Variants in PLCL2 observed in about 807,000 individuals in gnomAD.
The protein encoded by PLCL2 is inactive phospholipase C-like protein 2.
PLCL2 carries 4 observed loss-of-function variants against 79.6 expected under a neutral mutation model. That is an observed-to-expected ratio of 0.05 (90% CI 0.02 to 0.11). The LOEUF is 0.11. Ranked by LOEUF, PLCL2 falls within the 10% of genes least tolerant of loss-of-function variation. PLCL2 has a pLI of 1.00. For synonymous variants in PLCL2, 484 were observed against 457.7 expected, an observed-to-expected ratio of 1.06 and a Z score of -0.73; for missense variants, 895 against 1,291.0, an observed-to-expected ratio of 0.69 and a Z score of 4.70.
intron 1 of PLCL2, among the ~76,000 whole-genome samples, chr3:16,980,557 T>C (rs1350451192): frequency 1.4e-5 from 2 of 145,408 alleles, no homozygotes; most frequent in African/African-American, 5.2e-5. Context: ...GCAGAGACGC[T>C]CCTCACTTCC....
chr3:16,934,537 A>G (rs186499103), intron 1 of PLCL2, among the ~76,000 whole-genome samples: 91 of 152,314 alleles, frequency 6.0e-4, no homozygotes, highest in Admixed American at 2.0e-3. Flanking sequence ...GTAGCTCTCC[A>G]TAAGTGTCAA....
intron 1 of PLCL2, among the ~76,000 whole-genome samples, chr3:16,961,308 T>G (rs533951080): frequency 6.6e-6 from 1 of 152,328 alleles, no homozygotes; most frequent in African/African-American, 2.4e-5. Flanking sequence ...ATTTATTTAT[T>G]TATTCAGCAC....
At chr3:16,925,226 G>C (rs1178058850) in intron 1 of PLCL2, among the ~76,000 whole-genome samples, 2 of 144,700 alleles carry the variant, frequency 1.4e-5, no homozygotes, top group Non-Finnish European at 3.0e-5. Context: ...CCCGGCCAGG[G>C]TTTTTTTTTT....
chr3:16,973,231 TGC>T (rs2063891836), intron 1 of PLCL2, among the ~76,000 whole-genome samples: 1 of 152,204 alleles, frequency 6.6e-6, no homozygotes, highest in African/African-American at 2.4e-5. Context: ...ATTTCTCCCT[TGC>T]TTATGAAGCT....
intron 5 of PLCL2, among the ~76,000 whole-genome samples, chr3:17,089,128 G>A (rs2065249309): frequency 6.6e-6 from 1 of 152,074 alleles, no homozygotes; most frequent in Non-Finnish European, 1.5e-5. Context: ...GGAGGGGTGG[G>A]TGTGACTTCC....
Position 17,010,428 on chromosome 3 carries a change from A to G in PLCL2, c.1082A>G (p.Lys361Arg). Residue 361 changes from lysine to arginine, a missense_variant, in exon 2 of 6, where the codon AAG becomes AGG. Physicochemically the swap from Lys to Arg is conservative, Grantham distance 26 (BLOSUM62 2). Coordinates refer to ENST00000615277, the MANE Select transcript of PLCL2 (RefSeq NM_001144382.2). This position sits in a 1 kb window ranked among gnomAD's most constrained non-coding sequence, Gnocchi z 5.8. ...AGCAATAAAGAATTCCTTGATACCA[A>G]GGACCTTATGATGTTTCTTGAGGCA... The part of the protein sequence containing the change: ...FSSNKEFLDT[K>R]DLMMFLEAEQ... 1 of 1,614,000 alleles carries G rather than the reference A, an allele frequency of 6.2e-7. No homozygotes were observed. The highest frequency in any genetic ancestry group is 1.3e-5 in the African/African-American group (1 of 75,032).
chr3:17,031,369 T>C (rs1422567025), intron 3 of PLCL2, among the ~76,000 whole-genome samples: 2 of 152,206 alleles, frequency 1.3e-5, no homozygotes, highest in African/African-American at 2.4e-5. Flanking sequence ...ACAGTACCTG[T>C]TGAAAGTTCC....
At chr3:17,016,876 A>T (rs989671745) in intron 3 of PLCL2, among the ~76,000 whole-genome samples, 3 of 152,212 alleles carry the variant, frequency 2.0e-5, no homozygotes, top group African/African-American at 7.2e-5. Context: ...CTTGATTTCT[A>T]TGACAGTCAT....
intron 1 of PLCL2, among the ~76,000 whole-genome samples, chr3:16,938,450 G>A (rs1168539561): frequency 1.3e-5 from 2 of 152,162 alleles, no homozygotes. Context: ...TTACCACGTT[G>A]TATCTGCGGT....
chr3:17,011,146 C>T lies in PLCL2; in HGVS notation c.1800C>T (p.Asn600=). The change falls in exon 2 of 6, where the codon AAC becomes AAT. Residue 600 remains asparagine, a synonymous_variant. Coordinates refer to ENST00000615277, the MANE Select transcript of PLCL2 (RefSeq NM_001144382.2). The surrounding 1 kb of genome is among the most constrained non-coding windows in gnomAD (Gnocchi z 7.9). ...AEMSQRMGKE[N]MEQPNNVPVK... ...TGTCTCAGAGGATGGGAAAAGAGAA[C>T]ATGGAGCAACCCAATAATGTGCCTG... The T allele has an allele frequency of 6.2e-7, 1 of 1,614,144 alleles. No homozygotes were observed.
At chr3:17,034,744 T>C (rs2124912956) in intron 3 of PLCL2, among the ~76,000 whole-genome samples, 1 of 152,338 alleles carries the variant, frequency 6.6e-6, no homozygotes, top group Non-Finnish European at 1.5e-5. Context: ...CCCTTGTTTA[T>C]ATCAGTTAGC....
At chr3:16,901,371 T>G (rs1236542730) in intron 1 of PLCL2, among the ~76,000 whole-genome samples, 2 of 152,178 alleles carry the variant, frequency 1.3e-5, no homozygotes, top group Non-Finnish European at 2.9e-5. Context: ...CTGTCCTCCT[T>G]TGTGTAGGGA....
intron 1 of PLCL2, among the ~76,000 whole-genome samples, chr3:16,967,710 G>C (rs2063821105): frequency 6.6e-6 from 1 of 152,024 alleles, no homozygotes; most frequent in Non-Finnish European, 1.5e-5. Context: ...CATTCTGTAA[G>C]TTGTGTGTTT....
intron 5 of PLCL2, among the ~76,000 whole-genome samples, chr3:17,069,927 G>A (rs533607908): frequency 2.0e-5 from 3 of 152,202 alleles, no homozygotes; most frequent in African/African-American, 7.2e-5. Flanking sequence ...CAACGAAAAA[G>A]GATTTGGCTT....
intron 1 of PLCL2, among the ~76,000 whole-genome samples, chr3:16,973,802 AT>A (rs1452737238): frequency 6.6e-6 from 1 of 152,184 alleles, no homozygotes; most frequent in Non-Finnish European, 1.5e-5. Context: ...AATAGTCATG[AT>A]TTTGCTCTCA....
chr3:17,029,348 A>T (rs1312042881), intron 3 of PLCL2, among the ~76,000 whole-genome samples: 1 of 151,552 alleles, frequency 6.6e-6, no homozygotes, highest in Non-Finnish European at 1.5e-5. Context: ...CCCTTAAAAA[A>T]AAGAAAGAAA....
intron 1 of PLCL2, among the ~76,000 whole-genome samples, chr3:16,921,403 G>A (rs1188748782): frequency 6.6e-6 from 1 of 152,208 alleles, no homozygotes; most frequent in African/African-American, 2.4e-5. Context: ...GACACTTTGA[G>A]AAAGTGTGAA....
At chr3:16,937,162 A>C (rs917800066) in intron 1 of PLCL2, among the ~76,000 whole-genome samples, 14 of 152,228 alleles carry the variant, frequency 9.2e-5, no homozygotes, top group Non-Finnish European at 5.9e-5. Context: ...TAGCCAATGC[A>C]GAGGAAGCAG....
At chr3:16,899,501 C>A (rs1293802046) in intron 1 of PLCL2, among the ~76,000 whole-genome samples, 1 of 152,160 alleles carries the variant, frequency 6.6e-6, no homozygotes, top group Admixed American at 6.5e-5. Context: ...AGACCAAGAG[C>A]TGCAACTTGA....
Sources: allele counts gnomAD v4.1 joint callset (sites outside exome capture counted in the v4.1 genomes callset), GRCh38; gene constraint gnomAD v4.1.1; non-coding constraint Gnocchi (gnomAD v3.1); transcripts MANE v1.5; gene names NCBI Gene and HGNC (gene_info 2026-07-23, HGNC 2026-07-21).